Variants in PAM observed in about 807,000 individuals in gnomAD.
The protein encoded by PAM is peptidylglycine alpha-amidating monooxygenase, also known as peptidyl-glycine alpha-amidating monooxygenase.
PAM carries 72 observed loss-of-function variants against 122.1 expected under a neutral mutation model. That is an observed-to-expected ratio of 0.59 (90% CI 0.49 to 0.72). PAM has a LOEUF of 0.72. Among genes scored for constraint, PAM ranks in the 30% least tolerant of loss-of-function variants. The probability of loss-of-function intolerance (pLI) is 0.00; values close to 1 mark genes in which losing one functional copy is unlikely to be tolerated. For synonymous variants in PAM, 389 were observed against 404.4 expected (o/e 0.96, Z 0.46); for missense variants, 1,106 against 1,183.7 (o/e 0.93, Z 0.96).
intron 16 of PAM, among the ~76,000 whole-genome samples, chr5:102,998,374 T>G (rs994329469): frequency 3.3e-5 from 5 of 152,148 alleles, no homozygotes; most frequent in Non-Finnish European, 5.9e-5. Flanking sequence ...AGATGTGGAA[T>G]TATGTGTGCT....
chr5:103,017,186 T>C (rs76585882), intron 21 of PAM, 148 bp from the exon 22 acceptor site: 7 of 607,266 alleles, frequency 1.2e-5, no homozygotes, highest in East Asian at 1.1e-4. Flanking sequence ...CCCTTCAGCC[T>C]AGGGTTGCTT....
intron 7 of PAM, among the ~76,000 whole-genome samples, chr5:102,934,613 C>T (rs973384036): frequency 6.6e-6 from 1 of 152,140 alleles, no homozygotes; most frequent in Non-Finnish European, 1.5e-5. Flanking sequence ...GATAGGGACA[C>T]AAACCTTTAT....
intron 15 of PAM, among the ~76,000 whole-genome samples, chr5:102,988,071 C>T (rs1772520883): frequency 6.6e-6 from 1 of 152,106 alleles, no homozygotes; most frequent in Non-Finnish European, 1.5e-5. Flanking sequence ...GCACATTTTC[C>T]AGTCTAAATC....
intron 4 of PAM, among the ~76,000 whole-genome samples, chr5:102,907,175 T>C (rs921738422): frequency 3.3e-5 from 5 of 151,734 alleles, no homozygotes; most frequent in Non-Finnish European, 7.4e-5. Context: ...TCTTTACCAA[T>C]GGTACATCAT....
chr5:102,957,469 T>G (rs1761120265), intron 12 of PAM, among the ~76,000 whole-genome samples: 1 of 152,130 alleles, frequency 6.6e-6, no homozygotes, highest in Admixed American at 6.6e-5. Flanking sequence ...TTAACTTGTA[T>G]AGCCCAACAT....
intron 1 of PAM, among the ~76,000 whole-genome samples, chr5:102,776,394 T>C (rs534929368): frequency 2.6e-5 from 4 of 152,220 alleles, no homozygotes; most frequent in African/African-American, 7.2e-5. Flanking sequence ...GATGTTTTTG[T>C]CATGAAATCT....
chr5:102,760,182 C>A (rs1751885613), intron 1 of PAM, among the ~76,000 whole-genome samples: 1 of 152,192 alleles, frequency 6.6e-6, no homozygotes, highest in Non-Finnish European at 1.5e-5. Context: ...GTAGGTTTTA[C>A]TGTCCAGTTT....
intron 1 of PAM, among the ~76,000 whole-genome samples, chr5:102,819,879 A>G (rs1771178027): frequency 6.6e-6 from 1 of 152,142 alleles, no homozygotes; most frequent in African/African-American, 2.4e-5. Context: ...TCTGTGATCA[A>G]CACTCCTCTC....
intron 3 of PAM, among the ~76,000 whole-genome samples, chr5:102,898,021 G>C (rs576641641): frequency 2.0e-5 from 3 of 151,652 alleles, no homozygotes; most frequent in African/African-American, 7.2e-5. Context: ...ACTAACTCTT[G>C]GTTAAAAATG....
At chr5:102,902,109 T>A (rs1199990761) in intron 4 of PAM, among the ~76,000 whole-genome samples, 1 of 151,590 alleles carries the variant, frequency 6.6e-6, no homozygotes, top group Admixed American at 6.6e-5. Flanking sequence ...TATTCATGTA[T>A]TTGGCTTTTC....
intron 3 of PAM, among the ~76,000 whole-genome samples, chr5:102,868,192 C>G (rs963222535): frequency 2.0e-5 from 3 of 152,174 alleles, no homozygotes; most frequent in African/African-American, 4.8e-5. Context: ...AGGGAAAGAC[C>G]TGGATATTGT....
chr5:102,855,132 T>C (rs1243464160), intron 1 of PAM, among the ~76,000 whole-genome samples: 2 of 152,156 alleles, frequency 1.3e-5, no homozygotes, highest in African/African-American at 4.8e-5. Flanking sequence ...TTGAGATGAA[T>C]TGAGAGGGCA....
At chr5:102,983,040 T>C (rs2150614853) in intron 15 of PAM, among the ~76,000 whole-genome samples, 1 of 151,928 alleles carries the variant, frequency 6.6e-6, no homozygotes, top group Non-Finnish European at 1.5e-5. Flanking sequence ...GAAACAGAAA[T>C]CCTGGAACTG....
chr5:102,904,422 C>T (rs768819289), intron 4 of PAM, among the ~76,000 whole-genome samples: 2 of 151,468 alleles, frequency 1.3e-5, no homozygotes, highest in East Asian at 1.9e-4. Context: ...TTGCTGAATG[C>T]GCGAGTGAAT....
chr5:102,977,979 C>T (rs62362523), intron 15 of PAM, among the ~76,000 whole-genome samples: 39,009 of 152,004 alleles, frequency 0.26, 5,629 homozygotes, highest in East Asian at 0.43. Flanking sequence ...GTGCTTTGAA[C>T]AGTGTCGGCA....
At chr5:102,954,528 ATATT>A (rs1214205313) in intron 12 of PAM, among the ~76,000 whole-genome samples, 1 of 151,640 alleles carries the variant, frequency 6.6e-6, no homozygotes, top group African/African-American at 2.4e-5. Flanking sequence ...CCCATATATT[ATATT>A]TATTTTTAAA....
At chr5:102,757,530 G>A (rs1294458186) in intron 1 of PAM, among the ~76,000 whole-genome samples, 1 of 152,186 alleles carries the variant, frequency 6.6e-6, no homozygotes, top group Non-Finnish European at 1.5e-5. Context: ...TGTATGATGT[G>A]CTAATCAAAT....
intron 2 of PAM, chr5:102,866,595 T>A: frequency 2.9e-6 from 1 of 343,924 alleles, no homozygotes; most frequent in Middle Eastern, 8.8e-4. Context: ...TTATAACAGC[T>A]CGAAGAATAA....
chr5:102,915,149 C>T (rs1032710179), intron 5 of PAM, among the ~76,000 whole-genome samples: 6 of 151,990 alleles, frequency 3.9e-5, no homozygotes, highest in Non-Finnish European at 7.4e-5. Context: ...TTTAATAGTC[C>T]GAAATGACTG....
Sources: gnomAD v4.1 joint callset for allele counts (sites outside exome capture counted in the v4.1 genomes callset) on GRCh38, gnomAD v4.1.1 for gene constraint, MANE v1.5 for transcripts, NCBI Gene and HGNC (gene_info 2026-07-23, HGNC 2026-07-21) for gene names.